The following SGCD variants were observed in gnomAD, a reference collection of about 807,000 sequenced individuals.
SGCD encodes sarcoglycan delta, also known as delta-sarcoglycan.
SGCD carries 18 observed loss-of-function variants against 36.6 expected under a neutral mutation model. The observed-to-expected ratio is 0.49, with a 90% confidence interval of 0.34 to 0.73. The LOEUF is 0.73. Among genes scored for constraint, SGCD ranks in the 30% least tolerant of loss-of-function variants. SGCD has a pLI of 0.01. For missense variants in SGCD, 387 were observed against 346.7 expected, an observed-to-expected ratio of 1.12 and a Z score of -0.92; for synonymous variants, 133 against 130.6, an observed-to-expected ratio of 1.02 and a Z score of -0.12.
At chr5:155,735,600 A>G in the SGCD span, among the ~76,000 whole-genome samples, 2 of 152,290 alleles carry the variant, frequency 1.3e-5, no homozygotes, top group Non-Finnish European at 2.9e-5. Context: ...GCCTGCTGAG[A>G]GTGATTAACA....
chr5:155,893,331 AT>A (rs769787013), intron 1 of SGCD, among the ~76,000 whole-genome samples: 1 of 152,220 alleles, frequency 6.6e-6, no homozygotes, highest in Non-Finnish European at 1.5e-5. Flanking sequence ...TGGAGCTGAA[AT>A]AATACACATC....
chr5:155,973,823 A>T (rs1020659309), intron 1 of SGCD, among the ~76,000 whole-genome samples: 1 of 152,168 alleles, frequency 6.6e-6, no homozygotes, highest in Non-Finnish European at 1.5e-5. Flanking sequence ...AACTGCCATT[A>T]CCTAAAAATC....
chr5:156,716,869 C>T (rs1755246400), intron 7 of SGCD, among the ~76,000 whole-genome samples: 1 of 152,168 alleles, frequency 6.6e-6, no homozygotes, highest in Non-Finnish European at 1.5e-5. Context: ...GCTCTTTAGG[C>T]ACACATTCAG....
At chr5:156,519,353 A>AAAAC (rs148970150) in intron 4 of SGCD, among the ~76,000 whole-genome samples, 6 of 152,034 alleles carry the variant, frequency 3.9e-5, no homozygotes, top group Admixed American at 6.6e-5. Context: ...TACCAACAAA[A>AAAAC]AAACAAACAA....
chr5:156,528,803 G>T (rs1359455411), intron 4 of SGCD, among the ~76,000 whole-genome samples: 4 of 152,142 alleles, frequency 2.6e-5, no homozygotes, highest in African/African-American at 9.7e-5. Flanking sequence ...GTGTGTTATA[G>T]ATAGGACATT....
At chr5:156,296,009 A>AAG (rs1186810139) in intron 3 of SGCD, among the ~76,000 whole-genome samples, 1 of 152,182 alleles carries the variant, frequency 6.6e-6, no homozygotes, top group African/African-American at 2.4e-5. Flanking sequence ...GGTAGGAAGC[A>AAG]AGAGAGAGAG....
intron 1 of SGCD, among the ~76,000 whole-genome samples, chr5:155,923,401 T>C (rs1342311830): frequency 1.3e-5 from 2 of 152,232 alleles, no homozygotes; most frequent in Non-Finnish European, 2.9e-5. Context: ...TTTTGTCTAA[T>C]ACTAATGATT....
intron 3 of SGCD, among the ~76,000 whole-genome samples, chr5:156,379,275 T>C (rs1056501206): frequency 5.9e-5 from 9 of 152,088 alleles, no homozygotes; most frequent in African/African-American, 1.9e-4. Flanking sequence ...GAAAATGTCA[T>C]TGGAGGATTA....
intron 1 of SGCD, among the ~76,000 whole-genome samples, chr5:156,022,818 C>A (rs1397047697): frequency 6.6e-6 from 1 of 151,950 alleles, no homozygotes; most frequent in Non-Finnish European, 1.5e-5. Context: ...GGAGTAGAAC[C>A]TGATAATAAT....
chr5:155,740,362 A>T, the SGCD span, among the ~76,000 whole-genome samples: 6 of 152,234 alleles, frequency 3.9e-5, no homozygotes, highest in Non-Finnish European at 7.3e-5. Context: ...GGACCACTTG[A>T]TGTTGAGAAA....
At chr5:156,289,468 C>T (rs1309478817) in intron 3 of SGCD, among the ~76,000 whole-genome samples, 2 of 151,888 alleles carry the variant, frequency 1.3e-5, no homozygotes, top group Admixed American at 6.6e-5. Flanking sequence ...CACCCCTCAC[C>T]CCCCACAGGC....
chr5:156,388,583 T>C (rs9313905), intron 3 of SGCD, among the ~76,000 whole-genome samples: 3 of 152,186 alleles, frequency 2.0e-5, no homozygotes, highest in African/African-American at 4.8e-5. Flanking sequence ...TTTGGCAGTC[T>C]GAAGACCCCA....
chr5:156,119,907 C>T (rs1400589598), intron 2 of SGCD, among the ~76,000 whole-genome samples: 1 of 152,078 alleles, frequency 6.6e-6, no homozygotes, highest in African/African-American at 2.4e-5. Flanking sequence ...TGACAGATTC[C>T]CTGAAGCGTT....
At chr5:156,392,162 A>G (rs1448134763) in intron 3 of SGCD, among the ~76,000 whole-genome samples, 1 of 152,188 alleles carries the variant, frequency 6.6e-6, no homozygotes, top group Non-Finnish European at 1.5e-5. Context: ...TCATCTCAGT[A>G]TAACAGTGAT....
the SGCD span, among the ~76,000 whole-genome samples, chr5:155,838,558 A>C: frequency 1.3e-5 from 2 of 152,050 alleles, no homozygotes; most frequent in Admixed American, 1.3e-4. Context: ...TGTTCTGGGG[A>C]TGCATGGGGG....
At chr5:156,535,038 G>T (rs1199455221) in intron 4 of SGCD, among the ~76,000 whole-genome samples, 1 of 152,146 alleles carries the variant, frequency 6.6e-6, no homozygotes, top group Non-Finnish European at 1.5e-5. Flanking sequence ...TGCCAAAATT[G>T]TACCTTCTGA....
chr5:156,232,578 A>G (rs1365601087), intron 3 of SGCD, among the ~76,000 whole-genome samples: 1 of 152,110 alleles, frequency 6.6e-6, no homozygotes, highest in Admixed American at 6.5e-5. Context: ...TTTTACTTAT[A>G]TGGGCTGCAT....
chr5:156,424,741 A>C (rs1773590204), intron 3 of SGCD, among the ~76,000 whole-genome samples: 1 of 152,040 alleles, frequency 6.6e-6, no homozygotes, highest in South Asian at 2.1e-4. Context: ...ACTTTCTTCC[A>C]GCAAAAGGAC....
intron 7 of SGCD, among the ~76,000 whole-genome samples, chr5:156,697,940 AAG>A (rs1216483548): frequency 1.3e-5 from 2 of 152,080 alleles, no homozygotes; most frequent in Admixed American, 6.5e-5. Context: ...AGTCAGGAGA[AAG>A]AGGGGAGGAA....
Sources: gnomAD v4.1 joint callset for allele counts (sites outside exome capture counted in the v4.1 genomes callset) on GRCh38, gnomAD v4.1.1 for gene constraint, MANE v1.5 for transcripts, NCBI Gene and HGNC (gene_info 2026-07-23, HGNC 2026-07-21) for gene names.